THADA: variants seen among roughly 807,000 people sequenced by gnomAD.
The protein encoded by THADA is tRNA (32-2'-O)-methyltransferase regulator THADA.
Under a neutral mutation model 219.8 loss-of-function variants are expected in THADA, and 213 were observed. The observed-to-expected ratio is 0.97, with a 90% CI of 0.87 to 1.09. The LOEUF is 1.09. Among genes scored for constraint, THADA ranks in the 50% least tolerant of loss-of-function variants. The pLI is 0.00. For synonymous variants in THADA, 1,018 were observed against 828.9 expected (o/e 1.23, Z -3.92); for missense variants, 2,956 against 2,311.3 (o/e 1.28, Z -5.72).
intron 37 of THADA, among the ~76,000 whole-genome samples, chr2:43,232,400 G>A (rs1184440813): frequency 6.6e-6 from 1 of 151,978 alleles, no homozygotes; most frequent in Admixed American, 6.6e-5. Context: ...GGATGGTCTC[G>A]ATCTCCTGAC....
At chr2:43,397,015 G>A (rs766724631) in intron 29 of THADA, among the ~76,000 whole-genome samples, 2 of 151,882 alleles carry the variant, frequency 1.3e-5, no homozygotes, top group African/African-American at 2.4e-5. Flanking sequence ...ATTTCCTTAG[G>A]GTTCACAAAG....
chr2:43,445,843 A>G (rs934193548), intron 26 of THADA, among the ~76,000 whole-genome samples: 10 of 152,110 alleles, frequency 6.6e-5, no homozygotes, highest in Non-Finnish European at 1.3e-4. Flanking sequence ...CTGTCTAATG[A>G]CGTGTTGTTT....
intron 28 of THADA, among the ~76,000 whole-genome samples, chr2:43,401,620 T>C (rs1344411386): frequency 6.6e-6 from 1 of 152,194 alleles, no homozygotes; most frequent in South Asian, 2.1e-4. Context: ...CATCACACAA[T>C]TGTACAGCAC....
intron 36 of THADA, among the ~76,000 whole-genome samples, chr2:43,272,291 G>C (rs1672215497): frequency 6.6e-6 from 1 of 152,162 alleles, no homozygotes; most frequent in Admixed American, 6.5e-5. Flanking sequence ...ATTAAGATGG[G>C]AAGCCAAGAG....
At chr2:43,481,417 T>C (rs1210098974) in intron 26 of THADA, among the ~76,000 whole-genome samples, 1 of 152,164 alleles carries the variant, frequency 6.6e-6, no homozygotes, top group Non-Finnish European at 1.5e-5. Flanking sequence ...AGAATAGAGA[T>C]TGTACTTAAC....
At chr2:43,349,134 C>T (rs1355751591) in intron 29 of THADA, among the ~76,000 whole-genome samples, 2 of 152,164 alleles carry the variant, frequency 1.3e-5, no homozygotes, top group African/African-American at 4.8e-5. Flanking sequence ...ACTGTCAGCC[C>T]TGCCCTGAGG....
intron 29 of THADA, among the ~76,000 whole-genome samples, chr2:43,362,085 A>G (rs1238042936): frequency 2.0e-5 from 3 of 152,232 alleles, no homozygotes; most frequent in African/African-American, 7.2e-5. Context: ...TTCCCAAATG[A>G]CCCAAATCAG....
chr2:43,283,712 AC>A (rs1360954373), intron 35 of THADA, among the ~76,000 whole-genome samples: 1 of 152,218 alleles, frequency 6.6e-6, no homozygotes, highest in East Asian at 1.9e-4. Flanking sequence ...TCAAGATGTG[AC>A]CTGGCTGTTT....
intron 29 of THADA, among the ~76,000 whole-genome samples, chr2:43,371,605 T>C (rs765367586): frequency 2.6e-5 from 4 of 152,216 alleles, no homozygotes; most frequent in Admixed American, 6.5e-5. Context: ...ATTCTTTTCT[T>C]TTTCACAAAG....
At chr2:43,370,246 C>G (rs1419489253) in intron 29 of THADA, 1 of 152,228 alleles carries the variant, frequency 6.6e-6, no homozygotes, top group Non-Finnish European at 1.5e-5. Context: ...TTTCTAGAAA[C>G]TTTTGTTATA....
intron 29 of THADA, among the ~76,000 whole-genome samples, chr2:43,346,285 A>T (rs573516737): frequency 3.9e-5 from 6 of 152,228 alleles, no homozygotes; most frequent in Non-Finnish European, 7.3e-5. Flanking sequence ...TGAATACACA[A>T]CTAACCTCAT....
At chr2:43,579,243 C>T (rs11888640) in intron 8 of THADA, among the ~76,000 whole-genome samples, 88,285 of 151,736 alleles carry the variant, frequency 0.58, 26,763 homozygotes, top group African/African-American at 0.74. Flanking sequence ...AAACACCTAA[C>T]AGCAACACCA....
At chr2:43,511,899 T>C (rs933348444) in intron 22 of THADA, among the ~76,000 whole-genome samples, 2 of 152,124 alleles carry the variant, frequency 1.3e-5, no homozygotes, top group Non-Finnish European at 2.9e-5. Context: ...GGAAGGTCCA[T>C]ATATGAGAGC....
chr2:43,454,055 A>G (rs1682688222), intron 26 of THADA, among the ~76,000 whole-genome samples: 1 of 152,164 alleles, frequency 6.6e-6, no homozygotes, highest in Non-Finnish European at 1.5e-5. Context: ...ATTATTATAG[A>G]GACAGGGTCT....
intron 26 of THADA, among the ~76,000 whole-genome samples, chr2:43,482,707 A>G (rs1686381206): frequency 6.6e-6 from 1 of 152,224 alleles, no homozygotes; most frequent in Admixed American, 6.5e-5. Context: ...TAGGTACCCA[A>G]GAATGGTTAA....
intron 26 of THADA, among the ~76,000 whole-genome samples, chr2:43,443,307 A>G (rs866971183): frequency 6.6e-6 from 1 of 152,232 alleles, no homozygotes. Context: ...CACATTAATA[A>G]TTACACAAAA....
intron 22 of THADA, among the ~76,000 whole-genome samples, chr2:43,526,146 T>C (rs1355795515): frequency 6.6e-6 from 1 of 152,194 alleles, no homozygotes; most frequent in Non-Finnish European, 1.5e-5. Flanking sequence ...TCCTTAAAGA[T>C]GAAGAGATCA....
chr2:43,430,699 C>A (rs952181466), intron 26 of THADA: 4 of 454,516 alleles, frequency 8.8e-6, no homozygotes, highest in African/African-American at 8.0e-5. Context: ...GCGTTCCCAA[C>A]CCTGGCACCA....
rs1682766093 is a variant in THADA at position 43,454,627 on chromosome 2, A to T, written c.3837-24325T>A. On this transcript the variant is annotated intron_variant, in intron 26 of 37. Coordinates refer to ENST00000405975, the MANE Select transcript of THADA (RefSeq NM_022065.5). ...AACACACACACACACACACACACAC[A>T]CACTAAATTACACATACATGGTTAT... Among the ~76,000 whole-genome samples, 3 of 151,868 alleles carry T rather than the reference A, an allele frequency of 2.0e-5. No homozygotes were observed. In the South Asian group the frequency reaches 6.2e-4, roughly 32 times the overall value.
Sources: gnomAD v4.1 joint callset for allele counts (sites outside exome capture counted in the v4.1 genomes callset) on GRCh38, gnomAD v4.1.1 for gene constraint, MANE v1.5 for transcripts, NCBI Gene and HGNC (gene_info 2026-07-23, HGNC 2026-07-21) for gene names.